The following AAMDC variants were observed in gnomAD, a reference collection of about 807,000 sequenced individuals.
AAMDC encodes the protein adipogenesis associated Mth938 domain containing.
A neutral mutation model predicts 15.5 loss-of-function variants in AAMDC; 16 were observed. The ratio of observed to expected loss-of-function variants is 1.03; its 90% CI spans 0.70 to 1.57. AAMDC has a LOEUF of 1.57. AAMDC is among the 40% of genes most tolerant of loss of function. The pLI is 0.00. For synonymous variants in AAMDC, 51 were observed against 51.6 expected, an observed-to-expected ratio of 0.99 and a Z score of 0.05; for missense variants, 141 against 144.9, an observed-to-expected ratio of 0.97 and a Z score of 0.14.
At chr11:77,852,934 T>C (rs1342988279) in intron 2 of AAMDC, among the ~76,000 whole-genome samples, 2 of 152,196 alleles carry the variant, frequency 1.3e-5, no homozygotes, top group African/African-American at 4.8e-5. Context: ...TTATTCACTT[T>C]AGTCCTAAGG....
At chr11:77,851,557 G>T in intron 2 of AAMDC, 1 of 152,138 alleles carries the variant, frequency 6.6e-6, no homozygotes, top group Non-Finnish European at 1.5e-5. Flanking sequence ...AATGTTGGAG[G>T]TGGGGCTTGG....
downstream of AAMDC, chr11:77,903,558 G>T (rs756438793): frequency 3.1e-6 from 5 of 1,613,896 alleles, no homozygotes; most frequent in South Asian, 5.5e-5. Context: ...CTGCTGCTGA[G>T]GCCAAATCAC....
chr11:77,823,069 C>A (rs1948995250), intron 1 of AAMDC, among the ~76,000 whole-genome samples: 2 of 151,900 alleles, frequency 1.3e-5, no homozygotes, highest in Admixed American at 6.6e-5. Flanking sequence ...AAAAAATTAG[C>A]CGGGCGTGGT....
chr11:77,894,532 C>T (rs1952428230), intron 5 of AAMDC, among the ~76,000 whole-genome samples: 3 of 152,156 alleles, frequency 2.0e-5, no homozygotes, highest in Admixed American at 1.3e-4. Context: ...ATCCCAAGAC[C>T]TGATTAAACC....
chr11:77,878,106 T>C (rs940477460), intron 5 of AAMDC, among the ~76,000 whole-genome samples: 13 of 152,142 alleles, frequency 8.5e-5, no homozygotes, highest in Admixed American at 2.6e-4. Context: ...CTCACACTTG[T>C]AATCCCAGCA....
At chr11:77,852,570 T>C (rs866080998) in intron 2 of AAMDC, among the ~76,000 whole-genome samples, 2 of 152,092 alleles carry the variant, frequency 1.3e-5, no homozygotes, top group Non-Finnish European at 2.9e-5. Context: ...CAACATGAGA[T>C]TTGCGCAGGG....
intron 1 of AAMDC, among the ~76,000 whole-genome samples, chr11:77,841,525 G>A (rs1352046107): frequency 6.6e-6 from 1 of 152,322 alleles, no homozygotes; most frequent in East Asian, 1.9e-4. Flanking sequence ...GTGTGTACAG[G>A]GGAGTGCGTT....
chr11:77,861,580 G>A (rs957158632), intron 2 of AAMDC, among the ~76,000 whole-genome samples: 72 of 152,296 alleles, frequency 4.7e-4, no homozygotes, highest in African/African-American at 1.3e-3. Flanking sequence ...GAGGACCTTC[G>A]TCCCCTGGGG....
chr11:77,871,451 A>C (rs1357669975), intron 3 of AAMDC, among the ~76,000 whole-genome samples: 1 of 152,206 alleles, frequency 6.6e-6, no homozygotes, highest in Non-Finnish European at 1.5e-5. Flanking sequence ...CCCCTCATGG[A>C]TAATAAAAAA....
chr11:77,894,838 C>T (rs1231989440), intron 5 of AAMDC, among the ~76,000 whole-genome samples: 3 of 152,216 alleles, frequency 2.0e-5, no homozygotes, highest in South Asian at 2.1e-4. Context: ...TCACTGCACT[C>T]AATGAAGCCT....
At chr11:77,883,990 G>T in intron 5 of AAMDC, 2 of 1,600,458 alleles carry the variant, frequency 1.2e-6, no homozygotes, top group South Asian at 2.2e-5. Context: ...GCAGAAGCGA[G>T]AGGAGCATTT....
chr11:77,901,856 A>G (rs1952787813), downstream of AAMDC, among the ~76,000 whole-genome samples: 1 of 151,842 alleles, frequency 6.6e-6, no homozygotes, highest in African/African-American at 2.4e-5. Flanking sequence ...CCCTAAATGA[A>G]GCCCACTCTG....
intron 3 of AAMDC, 127 bp from the exon 4 acceptor site, chr11:77,872,047 TA>T: frequency 9.2e-7 from 1 of 1,081,566 alleles, no homozygotes; most frequent in Non-Finnish European, 1.3e-6. Context: ...GGACTGGTGA[TA>T]CACTGAGTGA....
chr11:77,870,973 T>A (rs1951401936), intron 3 of AAMDC, among the ~76,000 whole-genome samples: 1 of 152,184 alleles, frequency 6.6e-6, no homozygotes, highest in African/African-American at 2.4e-5. Flanking sequence ...TCCTGTTCCT[T>A]ACTGATGAAG....
intron 1 of AAMDC, among the ~76,000 whole-genome samples, chr11:77,842,014 C>A (rs995934284): frequency 3.9e-5 from 6 of 152,278 alleles, no homozygotes; most frequent in Middle Eastern, 3.4e-3. Flanking sequence ...TTGTTCCAGG[C>A]AAGAACAACA....
At chr11:77,898,746 A>G (rs1047478012) in intron 5 of AAMDC, among the ~76,000 whole-genome samples, 2 of 152,194 alleles carry the variant, frequency 1.3e-5, no homozygotes, top group Non-Finnish European at 2.9e-5. Flanking sequence ...CCAGCCAGGC[A>G]CGGTAGCTCA....
chr11:77,879,022 G>C (rs778338283), intron 5 of AAMDC: 3 of 1,614,116 alleles, frequency 1.9e-6, no homozygotes, highest in Non-Finnish European at 2.5e-6. Flanking sequence ...CTCGATGCTG[G>C]TTTCCACCTG....
intron 3 of AAMDC, chr11:77,870,199 A>T (rs7112913): frequency 0.35 from 51,193 of 148,004 alleles, 8,864 homozygotes; most frequent in East Asian, 0.46. Flanking sequence ...TTTTTTTTTT[A>T]AATATAGATG....
intron 5 of AAMDC, chr11:77,894,290 C>A: frequency 2.0e-6 from 3 of 1,506,822 alleles, no homozygotes; most frequent in Non-Finnish European, 2.8e-6. Context: ...AAATACTTAC[C>A]TCTGAAAAAA....
Sources: gnomAD v4.1 joint callset for allele counts (sites outside exome capture counted in the v4.1 genomes callset) on GRCh38, gnomAD v4.1.1 for gene constraint, MANE v1.5 for transcripts, NCBI Gene and HGNC (gene_info 2026-07-23, HGNC 2026-07-21) for gene names.